The following VWA5B1 variants were observed in gnomAD, a reference collection of about 807,000 sequenced individuals.
VWA5B1 encodes von Willebrand factor A domain containing 5B1, also known as von Willebrand factor A domain-containing protein 5B1.
Under a neutral mutation model 118.2 loss-of-function variants are expected in VWA5B1, and 115 were observed. The observed-to-expected ratio is 0.97, with a 90% confidence interval of 0.84 to 1.14. The LOEUF is 1.14. Ranked by LOEUF, VWA5B1 falls within the 50% of genes most tolerant of loss-of-function variation. VWA5B1 has a pLI of 0.00. For synonymous variants in VWA5B1, 682 were observed against 658.4 expected (o/e 1.04, Z -0.55); for missense variants, 1,596 against 1,603.8 (o/e 1.00, Z 0.08).
Position 20,342,577 on chromosome 1 carries a change from G to C in VWA5B1, c.2279G>C (p.Arg760Pro), listed in dbSNP as rs558317313. 1 of 1,514,484 alleles carries C rather than the reference G, an allele frequency of 6.6e-7. No homozygotes were observed. Among genetic ancestry groups the C allele is most frequent in the Non-Finnish European group, 8.8e-7 (1 of 1,131,616 alleles). 93.8% of individuals were successfully genotyped at this position (1,514,484 alleles called of 1,614,324 possible). Reference sequence around the variant, plus strand: ...CAGGCCTGGAGCCCTGTGAGAGAGCGGACTTCTGACAGCCGAAGCCCTGGA... The same window carrying C: ...CAGGCCTGGAGCCCTGTGAGAGAGCCGACTTCTGACAGCCGAAGCCCTGGA... ...ETQAWSPVRERTSDSRSPGDL... is the reference protein window; with the variant it reads ...ETQAWSPVREPTSDSRSPGDL... Residue 760 changes from arginine (R) to proline (P), a missense_variant, in exon 15 of 22, where the codon CGG becomes CCG. By Grantham distance (103) the Arg-to-Pro change is moderately radical. Coordinates refer to ENST00000289815, the MANE Select transcript of VWA5B1 (RefSeq NM_001039500.3).
intron 1 of VWA5B1, among the ~76,000 whole-genome samples, chr1:20,295,232 C>CAG (rs36076782): frequency 0.015 from 2,315 of 152,134 alleles, 58 homozygotes; most frequent in African/African-American, 0.052. Flanking sequence ...TTGAGGCTCA[C>CAG]AGAGGTCTGG....
intron 1 of VWA5B1, among the ~76,000 whole-genome samples, chr1:20,292,282 A>G (rs1458017481): frequency 1.3e-5 from 2 of 151,008 alleles, no homozygotes; most frequent in African/African-American, 4.9e-5. Flanking sequence ...GTCTAAACCC[A>G]GCCAGCTCAT....
chr1:20,334,975 A>C (rs2089671825), intron 12 of VWA5B1, among the ~76,000 whole-genome samples: 1 of 152,178 alleles, frequency 6.6e-6, no homozygotes, highest in Non-Finnish European at 1.5e-5. Context: ...AATGCTTAAC[A>C]ACAAGGGGTG....
At chr1:20,291,359 TTCTCTCTC>T (rs67596546) in intron 1 of VWA5B1, among the ~76,000 whole-genome samples, 27 of 103,406 alleles carry the variant, frequency 2.6e-4, no homozygotes, top group African/African-American at 9.0e-4. Flanking sequence ...CTTTCTTTCT[TTCTCTCTC>T]TCTCTCTCTC....
chr1:20,297,110 C>G (rs1362433595), intron 1 of VWA5B1, among the ~76,000 whole-genome samples: 2 of 152,232 alleles, frequency 1.3e-5, no homozygotes, highest in Non-Finnish European at 2.9e-5. Flanking sequence ...AGCTTATATT[C>G]TAGTGGACCC....
intron 9 of VWA5B1, among the ~76,000 whole-genome samples, chr1:20,329,430 T>G (rs953516835): frequency 1.3e-5 from 2 of 150,798 alleles, no homozygotes; most frequent in African/African-American, 4.9e-5. Flanking sequence ...TGCCTCAGCC[T>G]CCCAAGTAGC....
At chr1:20,312,640 G>A (rs1053398292) in intron 2 of VWA5B1, among the ~76,000 whole-genome samples, 196 bp from the exon 3 acceptor site, 3 of 152,166 alleles carry the variant, frequency 2.0e-5, no homozygotes, top group African/African-American at 7.2e-5. Flanking sequence ...ATAAGAGCTG[G>A]CCCTGCCGCT....
chr1:20,318,457 A>G (rs2089094902), intron 5 of VWA5B1, 133 bp from the exon 6 acceptor site: 2 of 1,291,808 alleles, frequency 1.5e-6, no homozygotes, highest in South Asian at 1.3e-5. Context: ...CCATGGTCAC[A>G]CTGCAGGTCA....
At chr1:20,352,208 G>A (rs764429131) in intron 21 of VWA5B1, 36 bp downstream of exon 21, 98 of 1,479,460 alleles carry the variant, frequency 6.6e-5, no homozygotes, top group East Asian at 3.5e-4. Context: ...GTCTCCCTCC[G>A]CTCCACTCAG....
intron 1 of VWA5B1, among the ~76,000 whole-genome samples, chr1:20,307,202 G>A (rs550464989): frequency 9.2e-5 from 14 of 152,302 alleles, no homozygotes; most frequent in South Asian, 6.2e-4. Flanking sequence ...ACACCATTCC[G>A]AAGACTGAGC....
chr1:20,340,469 C>T (rs2089846772), intron 14 of VWA5B1, among the ~76,000 whole-genome samples: 1 of 152,188 alleles, frequency 6.6e-6, no homozygotes, highest in African/African-American at 2.4e-5. Context: ...GGACCTCTGG[C>T]TTAGAAAGAC....
chr1:20,358,471 A>G lies in VWA5B1; in HGVS notation c.*4208A>G, dbSNP rs756747443. On this transcript the variant is annotated 3_prime_UTR_variant, in exon 22 of 22. Transcript: ENST00000289815. ...GGAAGGAGGAAAGGGGGTCTCCCCT[A>G]TCTGTGTACAGTCTGCCCCCCCACC... is the stretch of plus-strand genomic sequence containing the variant. Among the ~76,000 whole-genome samples the G allele has an allele frequency of 1.3e-5, 2 of 152,038 alleles. No individual in the cohort carries two copies. The highest frequency in any genetic ancestry group is 2.9e-5 in the Non-Finnish European group (2 of 67,990).
chr1:20,323,294 T>A, intron 7 of VWA5B1, 62 bp from the exon 8 acceptor site: 1 of 1,325,582 alleles, frequency 7.5e-7, no homozygotes, highest in Non-Finnish European at 9.8e-7. Flanking sequence ...GGGACCAGCA[T>A]GAGTCCCCAG....
At chr1:20,352,214 C>T (rs758014176) in intron 21 of VWA5B1, 42 bp downstream of exon 21, 1 of 1,466,010 alleles carries the variant, frequency 6.8e-7, no homozygotes, top group South Asian at 1.2e-5. Flanking sequence ...CTCCGCTCCA[C>T]TCAGCAGCAG....
At position 20,356,133 on chromosome 1, in the gene VWA5B1, G is replaced by A. The variant is rs921961490; in HGVS notation, c.*1870G>A. Among the ~76,000 whole-genome samples, 37 of 152,318 alleles carry A rather than the reference G, an allele frequency of 2.4e-4. No individual in the cohort carries two copies. Among genetic ancestry groups the A allele is most frequent in the Admixed American group, 6.5e-4 (10 of 15,302 alleles). The stretch of plus-strand genomic sequence containing the variant: ...ATCCCCTGCCAAAATCACTTCTTTA[G>A]CTATGCAGGCAGCAGCCTCAGCTTC... On this transcript the variant is annotated 3_prime_UTR_variant, in exon 22 of 22. Coordinates refer to ENST00000289815, the MANE Select transcript of VWA5B1 (RefSeq NM_001039500.3).
At chr1:20,349,171 G>A (rs2090071510) in intron 18 of VWA5B1, 1 of 446,312 alleles carries the variant, frequency 2.2e-6, no homozygotes, top group Non-Finnish European at 4.5e-6. Flanking sequence ...TGAGGGGGTG[G>A]AAACCCAGAG....
At chr1:20,314,273 G>A (rs1011066473) in intron 3 of VWA5B1, 49 bp from the exon 4 acceptor site, 15 of 1,529,648 alleles carry the variant, frequency 9.8e-6, no homozygotes, top group East Asian at 2.5e-5. Flanking sequence ...ATCTTAGAGG[G>A]GATCAGAGAT....
intron 1 of VWA5B1, among the ~76,000 whole-genome samples, chr1:20,304,024 G>T (rs966770512): frequency 6.6e-6 from 1 of 152,338 alleles, no homozygotes; most frequent in East Asian, 1.9e-4. Flanking sequence ...AGCAATGCCT[G>T]TAAAGCACTA....
chr1:20,330,923 G>T lies in VWA5B1; in HGVS notation c.1512G>T (p.Leu504=). ...TCTGCCACAGACTGGTGAAAGGACT[G>T]GCATCTGTGTCCGAGGGCAGTGCTG... ...PNVCHRLVKG[L]ASVSEGSAEL... The change falls in exon 11 of 22, where the codon CTG becomes CTT. Residue 504 remains leucine (L), a synonymous_variant. Coordinates refer to ENST00000289815, the MANE Select transcript of VWA5B1 (RefSeq NM_001039500.3). 3.9e-6 allele frequency: 6 copies of T among 1,551,734 alleles called. No homozygotes were observed. Among genetic ancestry groups the T allele is most frequent in the Non-Finnish European group, 5.2e-6 (6 of 1,146,996 alleles).
Sources: gnomAD v4.1 joint callset for allele counts (sites outside exome capture counted in the v4.1 genomes callset) on GRCh38, gnomAD v4.1.1 for gene constraint, MANE v1.5 for transcripts, NCBI Gene and HGNC (gene_info 2026-07-23, HGNC 2026-07-21) for gene names.